PALLD: variants seen among roughly 807,000 people sequenced by gnomAD.
PALLD encodes palladin.
A neutral mutation model predicts 123.5 loss-of-function variants in PALLD; 61 were observed. The ratio of observed to expected loss-of-function variants is 0.49; its 90% CI spans 0.40 to 0.61. PALLD has a LOEUF of 0.61. Ranked by LOEUF, PALLD falls within the 20% of genes least tolerant of loss-of-function variation. The probability of loss-of-function intolerance (pLI) is 0.00; values close to 1 mark genes in which losing one functional copy is unlikely to be tolerated. For missense variants in PALLD, 1,273 were observed against 1,377.0 expected, an observed-to-expected ratio of 0.92 and a Z score of 1.20; for synonymous variants, 465 against 496.4, an observed-to-expected ratio of 0.94 and a Z score of 0.84.
chr4:168,713,308 T>C (rs1785018108), intron 10 of PALLD, among the ~76,000 whole-genome samples: 1 of 152,240 alleles, frequency 6.6e-6, no homozygotes, highest in African/African-American at 2.4e-5. Context: ...TATGCTCTTG[T>C]AGCAGCAACC....
intron 2 of PALLD, among the ~76,000 whole-genome samples, chr4:168,514,692 T>C (rs1762835609): frequency 6.6e-6 from 1 of 152,242 alleles, no homozygotes; most frequent in African/African-American, 2.4e-5. Context: ...TTCATTCTCA[T>C]GTCACTCAAA....
chr4:168,547,327 GGGGAGTGTGT>G (rs1766233102), intron 2 of PALLD, among the ~76,000 whole-genome samples: 2 of 151,946 alleles, frequency 1.3e-5, no homozygotes, highest in African/African-American at 4.8e-5. Context: ...AAAACCAAGT[GGGGAGTGTGT>G]GGGAGTGTGT....
At chr4:168,712,675 C>T (rs1220618307) in intron 10 of PALLD, among the ~76,000 whole-genome samples, 1 of 152,168 alleles carries the variant, frequency 6.6e-6, no homozygotes, top group Non-Finnish European at 1.5e-5. Context: ...CCCTGAATTA[C>T]TGCCCTGCCA....
chr4:168,704,319 A>G (rs1335446562), intron 8 of PALLD, among the ~76,000 whole-genome samples: 1 of 152,244 alleles, frequency 6.6e-6, no homozygotes, highest in East Asian at 1.9e-4. Flanking sequence ...TGACATAGGC[A>G]TGGACAATTT....
At chr4:168,636,494 A>G (rs1307189009) in intron 2 of PALLD, among the ~76,000 whole-genome samples, 1 of 152,126 alleles carries the variant, frequency 6.6e-6, no homozygotes, top group African/African-American at 2.4e-5. Flanking sequence ...CAGAAAGTAA[A>G]CAAAAAAACC....
At chr4:168,722,533 T>C (rs1199473529) in intron 10 of PALLD, among the ~76,000 whole-genome samples, 1 of 152,030 alleles carries the variant, frequency 6.6e-6, no homozygotes, top group Non-Finnish European at 1.5e-5. Context: ...AGGCATCTGC[T>C]GAAAGAGGAA....
chr4:168,808,223 G>A (rs1581576569), intron 10 of PALLD, among the ~76,000 whole-genome samples: 1 of 151,770 alleles, frequency 6.6e-6, no homozygotes, highest in South Asian at 2.1e-4. Context: ...GCTCATGCCT[G>A]TAATCCCAGC....
rs777462084 is a variant in PALLD, at chr4:168,739,035, T to C, written c.1964+27112T>C. ...GTGGAACATGCAATATTTGTTTTTC[T>C]TTGTCTGGATTATTTCACTTTACAC... is the stretch of plus-strand genomic sequence containing the variant. On this transcript the variant is annotated intron_variant, in intron 10 of 21. Transcript: ENST00000505667. Among the ~76,000 whole-genome samples, 3 of 152,346 alleles carry C rather than the reference T, an allele frequency of 2.0e-5. No homozygotes were observed. In the South Asian group the frequency reaches 6.2e-4, roughly 32 times the overall value.
intron 1 of PALLD, among the ~76,000 whole-genome samples, chr4:168,506,438 CTCCTT>C (rs10604817): frequency 0.39 from 59,494 of 151,500 alleles, 12,537 homozygotes; most frequent in East Asian, 0.58. Flanking sequence ...TGTTACTTCT[CTCCTT>C]TAACAATGAA....
intron 2 of PALLD, among the ~76,000 whole-genome samples, chr4:168,628,052 G>T (rs1024043218): frequency 7.9e-5 from 12 of 152,228 alleles, no homozygotes; most frequent in Non-Finnish European, 1.8e-4. Flanking sequence ...CCCTTTGAAA[G>T]GCAGCTTGGC....
chr4:168,809,333 TCTTCTTC>T lies in PALLD; in HGVS notation c.1965-81588_1965-81582del, dbSNP rs768377873. On this transcript the variant is annotated intron_variant, in intron 10 of 21. Transcript: ENST00000505667. ...CCTTATAAATCCTTCTTCTTCTTCTTCTTCTTCTTTTTTTTTTTGGAGAGACAGGGTC... is the reference window on the plus strand; with the variant it reads ...CCTTATAAATCCTTCTTCTTCTTCTTTTTTTTTTTTTGGAGAGACAGGGTC... Among the ~76,000 whole-genome samples the T allele has an allele frequency of 4.2e-3, 430 of 101,728 alleles. 1 individual carries two copies. The highest frequency in any genetic ancestry group is 8.2e-3 in the Non-Finnish European group (337 of 41,026). 66.7% of individuals were successfully genotyped at this position (101,728 alleles called of 152,430 possible). A position where few individuals can be genotyped will look rare whatever the true frequency, so the allele number is the denominator to read the frequency against.
Position 168,709,101 on chromosome 4 carries a change from T to C in PALLD, c.1575T>C (p.Asn525=). The C allele has an allele frequency of 2.5e-6, 4 of 1,613,824 alleles. No individual in the cohort carries two copies. The highest frequency in any genetic ancestry group is 8.5e-7 in the Non-Finnish European group (1 of 1,179,840). ...DAGIFTCSAR[N]DYGSATSTAQ... is the part of the protein sequence containing the mutation. ...GGATCTTTACATGTTCAGCAAGAAATGATTATGGATCAGCAACCAGCACTG... is the reference window on the plus strand; with the variant it reads ...GGATCTTTACATGTTCAGCAAGAAACGATTATGGATCAGCAACCAGCACTG... The change falls in exon 9 of 22, where the codon AAT becomes AAC. Residue 525 remains asparagine (N), a synonymous_variant. Coordinates refer to ENST00000505667, the MANE Select transcript of PALLD (RefSeq NM_001166108.2).
At chr4:168,559,920 AAGAG>A (rs373079281) in intron 2 of PALLD, among the ~76,000 whole-genome samples, 44 of 150,884 alleles carry the variant, frequency 2.9e-4, no homozygotes, top group Non-Finnish European at 3.4e-4. Context: ...AAAAAAGAGA[AAGAG>A]AGAGAGAGAG....
intron 2 of PALLD, among the ~76,000 whole-genome samples, chr4:168,574,823 T>C (rs1261460247): frequency 6.6e-6 from 1 of 152,104 alleles, no homozygotes; most frequent in African/African-American, 2.4e-5. Context: ...TCACAGAGGC[T>C]CTAAAGAGTC....
intron 2 of PALLD, among the ~76,000 whole-genome samples, chr4:168,622,161 C>T (rs187533954): frequency 3.9e-5 from 6 of 152,338 alleles, no homozygotes; most frequent in East Asian, 1.9e-4. Flanking sequence ...AACACACATA[C>T]ACACAGCCCC....
At chr4:168,906,036 T>C (rs1339712414) in intron 15 of PALLD, among the ~76,000 whole-genome samples, 2 of 152,152 alleles carry the variant, frequency 1.3e-5, no homozygotes, top group South Asian at 2.1e-4. Context: ...TTCCTTGACA[T>C]TAACAAATTC....
chr4:168,848,387 C>A (rs1747222820), intron 10 of PALLD, among the ~76,000 whole-genome samples: 1 of 152,118 alleles, frequency 6.6e-6, no homozygotes, highest in Non-Finnish European at 1.5e-5. Flanking sequence ...GCCTATTGAG[C>A]AAGAGCCATT....
At chr4:168,787,901 A>C (rs1227309566) in intron 10 of PALLD, among the ~76,000 whole-genome samples, 1 of 152,240 alleles carries the variant, frequency 6.6e-6, no homozygotes, top group African/African-American at 2.4e-5. Context: ...GTTTATATAA[A>C]TTTGGTTAAA....
At chr4:168,590,815 A>G (rs1245810115) in intron 2 of PALLD, among the ~76,000 whole-genome samples, 3 of 151,630 alleles carry the variant, frequency 2.0e-5, no homozygotes, top group African/African-American at 7.3e-5. Flanking sequence ...AATGGGATAA[A>G]ATAGGTGAAG....
Sources: allele counts gnomAD v4.1 joint callset (sites outside exome capture counted in the v4.1 genomes callset), GRCh38; gene constraint gnomAD v4.1.1; transcripts MANE v1.5; gene names NCBI Gene and HGNC (gene_info 2026-07-23, HGNC 2026-07-21).